The following PARP15 variants were observed in gnomAD, a reference collection of about 807,000 sequenced individuals.
PARP15 encodes the protein poly(ADP-ribose) polymerase family member 15.
In PARP15, 50 loss-of-function variants were observed where a neutral mutation model predicts 62.1. The observed-to-expected ratio is 0.81, with a 90% confidence interval of 0.64 to 1.02. The LOEUF (loss-of-function observed/expected upper bound fraction) is 1.02, where lower values mean the gene tolerates loss of function less well. Among genes scored for constraint, PARP15 ranks in the 50% least tolerant of loss-of-function variants. PARP15 has a pLI of 0.00. For synonymous variants in PARP15, 309 were observed against 293.1 expected (o/e 1.05, Z -0.55); for missense variants, 820 against 826.5 (o/e 0.99, Z 0.10).
intron 1 of PARP15, among the ~76,000 whole-genome samples, chr3:122,601,150 A>C (rs974963052): frequency 6.7e-6 from 1 of 148,958 alleles, no homozygotes; most frequent in Admixed American, 6.7e-5. Context: ...AAGCCTCCCA[A>C]GTAGCTGGGA....
chr3:122,595,169 G>T (rs75431672), intron 1 of PARP15, among the ~76,000 whole-genome samples: 12,184 of 151,486 alleles, frequency 0.08, 699 homozygotes, highest in Non-Finnish European at 0.12. Flanking sequence ...TAAAGGAATT[G>T]TTTTTTTTTT....
At chr3:122,595,915 T>C (rs967874232) in intron 1 of PARP15, among the ~76,000 whole-genome samples, 7 of 152,064 alleles carry the variant, frequency 4.6e-5, no homozygotes, top group Non-Finnish European at 1.0e-4. Context: ...GGTTCTTTTT[T>C]TCCTCTTTCT....
At chr3:122,606,156 A>G (rs1384392023) in intron 2 of PARP15, 101 bp downstream of exon 2, 2 of 1,312,874 alleles carry the variant, frequency 1.5e-6, no homozygotes, top group South Asian at 1.5e-5. Context: ...ATCTTAATCA[A>G]AGATTAAAGA....
At chr3:122,617,261 G>A in intron 6 of PARP15, 97 bp downstream of exon 6, 1 of 1,288,320 alleles carries the variant, frequency 7.8e-7, no homozygotes, top group Non-Finnish European at 1.1e-6. Context: ...AGAGAGTGTT[G>A]TAGAAAATAT....
At chr3:122,615,684 A>G (rs1935912827) in intron 4 of PARP15, 95 bp from the exon 5 acceptor site, 1 of 1,596,096 alleles carries the variant, frequency 6.3e-7, no homozygotes, top group Non-Finnish European at 8.5e-7. Flanking sequence ...AACTATTGTT[A>G]TCAACTCTTT....
chr3:122,626,880 G>A lies in PARP15; in HGVS notation c.1285G>A (p.Val429Ile), dbSNP rs1936765160. Residue 429 changes from valine to isoleucine, a missense_variant, in exon 9 of 12, where the codon GTA becomes ATA. Physicochemically the swap from Val to Ile is conservative, Grantham distance 29 (BLOSUM62 3). Around this residue, in one of 3 missense-constraint regions of PARP15, gnomAD observed 731 missense variants for 727.7 expected, o/e 1.00. Transcript: ENST00000464300. Reference protein sequence around the residue: ...TVADNIIDAIVDFSSQHSTPS... With the variant: ...TVADNIIDAIIDFSSQHSTPS... ...TGCTGATAACATAATCGATGCTATT[G>A]TAGACTTCTCATCACAACATTCCAC... The A allele has an allele frequency of 6.2e-7, 1 of 1,613,916 alleles. No individual in the cohort carries two copies. The highest frequency in any genetic ancestry group is 8.5e-7 in the Non-Finnish European group (1 of 1,179,988).
At chr3:122,621,715 A>G (rs1576535341) in intron 8 of PARP15, 104 bp downstream of exon 8, 2 of 1,092,180 alleles carry the variant, frequency 1.8e-6, no homozygotes, top group Non-Finnish European at 1.2e-6. Flanking sequence ...GAAAGTGGGA[A>G]CAATGATGTA....
chr3:122,597,440 C>T (rs1934441791), intron 1 of PARP15, among the ~76,000 whole-genome samples: 1 of 151,986 alleles, frequency 6.6e-6, no homozygotes, highest in African/African-American at 2.4e-5. Context: ...ATACATGTGC[C>T]ATGCTGGTGT....
rs536016997 is a variant in PARP15, at chr3:122,603,866, AG to A, written c.187-2069del. Among the ~76,000 whole-genome samples, 718 of 152,354 alleles carry A rather than the reference AG, an allele frequency of 4.7e-3. 5 individuals carry two copies. The highest frequency in any genetic ancestry group is 0.016 in the African/African-American group (669 of 41,584). ...AAAATAATCAAAGACAATTTTAAAC[AG>A]AAAAAAATTGATATCCTTTTTGAGT... On this transcript the variant is annotated intron_variant, in intron 1 of 11. Transcript: ENST00000464300.
chr3:122,627,059 A>G (rs1000659626), intron 9 of PARP15, 26 bp downstream of exon 9: 5 of 1,550,170 alleles, frequency 3.2e-6, no homozygotes, highest in Non-Finnish European at 4.4e-6. Flanking sequence ...TTTAAAAATC[A>G]CCCTGCTGGC....
intron 8 of PARP15, among the ~76,000 whole-genome samples, chr3:122,623,815 G>T (rs1346901262): frequency 6.6e-6 from 1 of 152,198 alleles, no homozygotes; most frequent in South Asian, 2.1e-4. Context: ...GCTCATGGAT[G>T]TTCTCTTCCC....
chr3:122,630,164 T>C (rs997804894), intron 9 of PARP15, among the ~76,000 whole-genome samples: 5 of 152,186 alleles, frequency 3.3e-5, no homozygotes, highest in Admixed American at 2.0e-4. Context: ...TGTGAAGCCG[T>C]GGGCTGCAAG....
intron 1 of PARP15, among the ~76,000 whole-genome samples, chr3:122,578,581 C>T (rs1033586835): frequency 1.3e-5 from 2 of 150,594 alleles, no homozygotes; most frequent in Non-Finnish European, 3.0e-5. Context: ...TATTTTCATC[C>T]ATTGACCCGT....
chr3:122,609,316 A>G (rs1401037421), intron 2 of PARP15, among the ~76,000 whole-genome samples: 1 of 152,206 alleles, frequency 6.6e-6, no homozygotes, highest in African/African-American at 2.4e-5. Flanking sequence ...GCCGATTATT[A>G]GGTTGAGAAA....
chr3:122,581,692 C>T (rs1251478972), intron 1 of PARP15, among the ~76,000 whole-genome samples: 1 of 152,138 alleles, frequency 6.6e-6, no homozygotes, highest in Non-Finnish European at 1.5e-5. Context: ...TTCTGTAGGT[C>T]ACCTTTTTAT....
At chr3:122,595,333 A>G (rs1228326146) in intron 1 of PARP15, among the ~76,000 whole-genome samples, 1 of 148,880 alleles carries the variant, frequency 6.7e-6, no homozygotes, top group Non-Finnish European at 1.5e-5. Context: ...TCCATTCCAG[A>G]CAGGCTTTTA....
chr3:122,612,949 G>A, intron 3 of PARP15, 92 bp from the exon 4 acceptor site: 3 of 1,098,880 alleles, frequency 2.7e-6, no homozygotes, highest in Non-Finnish European at 4.0e-6. Flanking sequence ...CAATAGCAGA[G>A]AGGTCCTTGT....
chr3:122,622,998 A>G (rs1353688394), intron 8 of PARP15, among the ~76,000 whole-genome samples: 1 of 152,168 alleles, frequency 6.6e-6, no homozygotes, highest in Non-Finnish European at 1.5e-5. Context: ...TCCTGCAGGT[A>G]TCCCAGGTCC....
chr3:122,632,468 G>A (rs1210353736), intron 10 of PARP15, among the ~76,000 whole-genome samples: 2 of 152,196 alleles, frequency 1.3e-5, no homozygotes. Context: ...CACTCAAACT[G>A]ATTAAACAAG....
Sources: gnomAD v4.1 joint callset for allele counts (sites outside exome capture counted in the v4.1 genomes callset) on GRCh38, gnomAD v4.1.1 for gene constraint, gnomAD v4.1.1 regional missense constraint, MANE v1.5 for transcripts, NCBI Gene and HGNC (gene_info 2026-07-23, HGNC 2026-07-21) for gene names.